PHACTR2: variants seen among roughly 807,000 people sequenced by gnomAD.
PHACTR2 encodes the protein phosphatase and actin regulator 2, also known as chromosome 6 open reading frame 56.
PHACTR2 carries 30 observed loss-of-function variants against 76.0 expected under a neutral mutation model. That is an observed-to-expected ratio of 0.39 (90% confidence interval 0.30 to 0.54). PHACTR2 has a LOEUF of 0.54. PHACTR2 is among the 20% of genes least tolerant of loss of function. The pLI, the probability that PHACTR2 is intolerant of heterozygous loss-of-function variation, is 0.61. For synonymous variants in PHACTR2, 292 were observed against 292.5 expected (o/e 1.00, Z 0.02); for missense variants, 696 against 781.1 (o/e 0.89, Z 1.30).
chr6:143,583,781 T>C lies in PHACTR2; in HGVS notation c.217+46574T>C, dbSNP rs529073762. The stretch of plus-strand genomic sequence containing the variant: ...TTTGTTGATTGGTTGATTCATTGTT[T>C]GGAAAATACCTGGACTACTATAATA... On this transcript the variant is annotated intron_variant, in intron 1 of 11. Transcript: ENST00000367584. The surrounding 1 kb of genome is among the most constrained non-coding windows in gnomAD (Gnocchi z 4.0). Among the ~76,000 whole-genome samples, 3 of 152,250 alleles carry C rather than the reference T, an allele frequency of 2.0e-5. No homozygotes were observed. The highest frequency in any genetic ancestry group is 4.4e-5 in the Non-Finnish European group (3 of 68,040).
upstream of PHACTR2, chr6:143,608,054 T>A: frequency 1.9e-6 from 1 of 537,102 alleles, no homozygotes; most frequent in South Asian, 2.5e-5. This position sits in a 1 kb window ranked among gnomAD's most constrained non-coding sequence, Gnocchi z 4.6. Flanking sequence ...AGAGCAGAGG[T>A]GGAAACCCCA....
rs943190426 is a variant in PHACTR2, at chr6:143,775,388, C to T, written c.1589+1173C>T. Among the ~76,000 whole-genome samples, 3 of 152,086 alleles carry T rather than the reference C, an allele frequency of 2.0e-5. No individual in the cohort carries two copies. The highest frequency in any genetic ancestry group is 7.2e-5 in the African/African-American group (3 of 41,396). ...CCTAACCTGTGACCATTTCTGGCTT[C>T]GGGAAAAAGCCAGCAGAAGCAAGAG... On this transcript the variant is annotated intron_variant, in intron 8 of 12. Transcript: ENST00000440869. The surrounding 1 kb of genome is among the most constrained non-coding windows in gnomAD (Gnocchi z 4.4).
rs139096176 is a variant in PHACTR2, at chr6:143,545,620, C to T, written c.217+8413C>T. On this transcript the variant is annotated intron_variant, in intron 1 of 11. Coordinates refer to the PHACTR2 transcript ENST00000367584. ...AGAGTGGAGTAATCCACCCAAGTCC[C>T]TCAGGCAGCAGGGAAGGAATAGAAC... 1.5e-3 allele frequency among the ~76,000 whole-genome samples: 231 copies of T among 152,244 alleles called. 1 individual carries two copies. The highest frequency in any genetic ancestry group is 5.3e-3 in the African/African-American group (220 of 41,548).
rs200996920 is a variant in PHACTR2, at chr6:143,765,615, C to T, written c.1049C>T (p.Pro350Leu). The change falls in exon 6 of 13, where the codon CCT becomes CTT. Residue 350 changes from proline (P) to leucine (L), a missense_variant. Around this residue, in one of 2 missense-constraint regions of PHACTR2, gnomAD observed 460 missense variants for 450.9 expected, o/e 1.02. Coordinates refer to ENST00000440869, the MANE Select transcript of PHACTR2 (RefSeq NM_001100164.2). The surrounding 1 kb of genome is among the most constrained non-coding windows in gnomAD (Gnocchi z 4.1). ...VAPAPSPLAP[P>L]LPLEDQCITA... is the part of the protein sequence containing the mutation. ...CCAGCACCTTCTCCTCTGGCCCCCC[C>T]TCTCCCTCTTGAGGATCAGTGCATT... 151 of 1,614,028 alleles carry T rather than the reference C, an allele frequency of 9.4e-5. No individual in the cohort carries two copies. The highest frequency in any genetic ancestry group is 2.5e-4 in the East Asian group (11 of 44,880).
chr6:143,582,992 G>C (rs1775592333), intron 1 of PHACTR2, among the ~76,000 whole-genome samples: 1 of 152,166 alleles, frequency 6.6e-6, no homozygotes, highest in African/African-American at 2.4e-5. Context: ...AAACTCTGAA[G>C]CACTTAAAAC....
rs952042628 is a variant in PHACTR2 at position 143,610,774 on chromosome 6, T to A, written c.13+2452T>A. Among the ~76,000 whole-genome samples the A allele has an allele frequency of 6.6e-6, 1 of 152,180 alleles. No homozygotes were observed. Among genetic ancestry groups the A allele is most frequent in the Non-Finnish European group, 1.5e-5 (1 of 68,032 alleles). Reference sequence around the variant, plus strand: ...TCCTACTATCTCAGAGAAGGAGACATCCCTTCCCCATAATTGCTGGCTTCT... The same window carrying A: ...TCCTACTATCTCAGAGAAGGAGACAACCCTTCCCCATAATTGCTGGCTTCT... On this transcript the variant is annotated intron_variant, in intron 1 of 11. Coordinates refer to the PHACTR2 transcript ENST00000305766. The surrounding 1 kb of genome is among the most constrained non-coding windows in gnomAD (Gnocchi z 4.9).
intron 11 of PHACTR2, among the ~76,000 whole-genome samples, chr6:143,792,263 C>G (rs1414756885): frequency 2.0e-5 from 3 of 151,982 alleles, no homozygotes; most frequent in Admixed American, 2.0e-4. Context: ...CTTTTCCCAG[C>G]TGTTTAGTAC....
In PHACTR2 at chr6:143,619,731, T is replaced by C. The variant is rs1240615767; in HGVS notation, c.13+11409T>C. Among the ~76,000 whole-genome samples, 4 of 152,216 alleles carry C rather than the reference T, an allele frequency of 2.6e-5. No individual in the cohort carries two copies. The stretch of plus-strand genomic sequence containing the variant: ...TCTGCACTTCACATCCTGGGTCTTA[T>C]TTTCTTAGTAAGGGAAATTTGGCAA... On this transcript the variant is annotated intron_variant, in intron 1 of 11. Coordinates refer to the PHACTR2 transcript ENST00000305766. This position sits in a 1 kb window ranked among gnomAD's most constrained non-coding sequence, Gnocchi z 4.5.
At chr6:143,744,687 AG>A (rs1779016254) in intron 2 of PHACTR2, among the ~76,000 whole-genome samples, 1 of 152,204 alleles carries the variant, frequency 6.6e-6, no homozygotes, top group South Asian at 2.1e-4. Context: ...AGAAGTGGTT[AG>A]GAGCCAGGCA....
intron 12 of PHACTR2, among the ~76,000 whole-genome samples, chr6:143,814,696 C>A (rs746033656): frequency 6.6e-6 from 1 of 150,550 alleles, no homozygotes; most frequent in Non-Finnish European, 1.5e-5. Flanking sequence ...TCCGCCTCCT[C>A]GGTTCACGCC....
Position 143,764,525 on chromosome 6 carries a change from A to G in PHACTR2, c.695-736A>G, listed in dbSNP as rs2128473368. ...GACAGAACAAGACCTTGTCTCAAAA[A>G]AAAAAAAAAAAAGGAGCAACCCATG... On this transcript the variant is annotated intron_variant, in intron 5 of 12. Coordinates refer to ENST00000440869, the MANE Select transcript of PHACTR2 (RefSeq NM_001100164.2). This position sits in a 1 kb window ranked among gnomAD's most constrained non-coding sequence, Gnocchi z 4.7. Among the ~76,000 whole-genome samples the G allele has an allele frequency of 6.6e-6, 1 of 151,844 alleles. No individual in the cohort carries two copies. Among genetic ancestry groups the G allele is most frequent in the African/African-American group, 2.4e-5 (1 of 41,488 alleles).
intron 1 of PHACTR2, among the ~76,000 whole-genome samples, chr6:143,573,791 G>A (rs1003724611): frequency 1.3e-5 from 2 of 152,146 alleles, no homozygotes; most frequent in African/African-American, 4.8e-5. Flanking sequence ...ATATTTGTAT[G>A]GAGCTTAGTC....
chr6:143,590,452 C>T (rs974425023), intron 1 of PHACTR2, among the ~76,000 whole-genome samples: 2 of 151,948 alleles, frequency 1.3e-5, no homozygotes, highest in Non-Finnish European at 2.9e-5. Flanking sequence ...TATTTTAAGA[C>T]ACTCATCAAG....
intron 2 of PHACTR2, among the ~76,000 whole-genome samples, chr6:143,737,762 C>A (rs1367201471): frequency 1.3e-5 from 2 of 152,184 alleles, no homozygotes; most frequent in African/African-American, 4.8e-5. Context: ...ATTTTCCTAT[C>A]ACTGCAGGGT....
chr6:143,608,129 C>A, upstream of PHACTR2: 1 of 650,644 alleles, frequency 1.5e-6, no homozygotes. This position sits in a 1 kb window ranked among gnomAD's most constrained non-coding sequence, Gnocchi z 4.6. Flanking sequence ...GAGCTAATGG[C>A]TGTTTGTCAT....
intron 2 of PHACTR2, among the ~76,000 whole-genome samples, chr6:143,720,935 C>T (rs1778428511): frequency 6.6e-6 from 1 of 152,334 alleles, no homozygotes; most frequent in Non-Finnish European, 1.5e-5. Flanking sequence ...TTGATATCTA[C>T]TGCAGCTCCA....
chr6:143,741,451 C>T (rs1207701803), intron 2 of PHACTR2, among the ~76,000 whole-genome samples: 1 of 152,152 alleles, frequency 6.6e-6, no homozygotes, highest in East Asian at 1.9e-4. Context: ...CAAGATGGCC[C>T]CACTGTACTC....
intron 1 of PHACTR2, among the ~76,000 whole-genome samples, chr6:143,703,965 G>T (rs1777978100): frequency 6.6e-6 from 1 of 152,058 alleles, no homozygotes; most frequent in Admixed American, 6.5e-5. Flanking sequence ...CCATAAATAT[G>T]TATCATATGT....
chr6:143,606,817 TAG>T (rs1473684981), upstream of PHACTR2, among the ~76,000 whole-genome samples: 1 of 152,214 alleles, frequency 6.6e-6, no homozygotes, highest in Non-Finnish European at 1.5e-5. Context: ...TTTAAATTCA[TAG>T]AGTGATATAC....
Sources: allele counts gnomAD v4.1 joint callset (sites outside exome capture counted in the v4.1 genomes callset), GRCh38; gene constraint gnomAD v4.1.1; regional missense constraint gnomAD v4.1.1; non-coding constraint Gnocchi (gnomAD v3.1); transcripts MANE v1.5; gene names NCBI Gene and HGNC (gene_info 2026-07-23, HGNC 2026-07-21).